The following WSB2 variants were observed in gnomAD, a reference collection of about 807,000 sequenced individuals.
WSB2 encodes the protein WD repeat and SOCS box containing 2, also known as WD repeat and SOCS box-containing protein 2.
Under a neutral mutation model 48.8 loss-of-function variants are expected in WSB2, and 12 were observed. The ratio of observed to expected loss-of-function variants is 0.25; its 90% CI spans 0.16 to 0.40. The LOEUF (loss-of-function observed/expected upper bound fraction) is 0.40, where lower values mean the gene tolerates loss of function less well. Among genes scored for constraint, WSB2 ranks in the 10% least tolerant of loss-of-function variants. The pLI, the probability that WSB2 is intolerant of heterozygous loss-of-function variation, is 1.00. For missense variants in WSB2, 317 were observed against 506.2 expected (o/e 0.63, Z 3.59); for synonymous variants, 191 against 203.1 (o/e 0.94, Z 0.51).
In WSB2 at chr12:118,033,888, A is replaced by G; in HGVS notation, c.*308T>C. Reference sequence around the variant, plus strand: ...TTAGTTGCATAATCAAAACAACATCAGTAACTGCACTTTGAATCAAAACAA... The same window carrying G: ...TTAGTTGCATAATCAAAACAACATCGGTAACTGCACTTTGAATCAAAACAA... On this transcript the variant is annotated 3_prime_UTR_variant, in exon 9 of 9. Coordinates refer to ENST00000315436, the MANE Select transcript of WSB2 (RefSeq NM_018639.5). 2.9e-6 allele frequency: 1 copy of G among 340,234 alleles called. No homozygotes were observed. Among genetic ancestry groups the G allele is most frequent in the Non-Finnish European group, 5.6e-6 (1 of 179,974 alleles). The allele number at this position is 340,234 out of a possible 1,614,324, so 21.1% of individuals were successfully genotyped here.
intron 1 of WSB2, among the ~76,000 whole-genome samples, chr12:118,053,458 G>T (rs976380630): frequency 4.6e-5 from 7 of 152,162 alleles, no homozygotes; most frequent in African/African-American, 1.7e-4. Flanking sequence ...ACGGAAATAA[G>T]TCGCACCTTG....
chr12:118,057,199 G>C (rs1028586975), intron 1 of WSB2, among the ~76,000 whole-genome samples: 1 of 152,074 alleles, frequency 6.6e-6, no homozygotes, highest in Non-Finnish European at 1.5e-5. Context: ...AGCTGGGGGT[G>C]GGGTATCTAG....
chr12:118,050,604 A>C (rs1204126270), intron 2 of WSB2, among the ~76,000 whole-genome samples: 1 of 152,120 alleles, frequency 6.6e-6, no homozygotes, highest in Non-Finnish European at 1.5e-5. Context: ...GAGCTACTGC[A>C]CTCAAGCCTG....
Position 118,055,285 on chromosome 12 carries a change from C to T in WSB2, c.14-2807G>A, listed in dbSNP as rs1226233193. Among the ~76,000 whole-genome samples the T allele has an allele frequency of 1.3e-5, 2 of 152,126 alleles. 1 individual carries two copies. The highest frequency in any genetic ancestry group is 2.9e-5 in the Non-Finnish European group (2 of 68,018). On this transcript the variant is annotated intron_variant, in intron 1 of 8. Coordinates refer to ENST00000315436, the MANE Select transcript of WSB2 (RefSeq NM_018639.5). ...ACTACTGCCATCTAGTGGGTGGAGGCCAGGGATGCTGCTCAACACTCTACA... is the reference window on the plus strand; with the variant it reads ...ACTACTGCCATCTAGTGGGTGGAGGTCAGGGATGCTGCTCAACACTCTACA...
chr12:118,038,318 G>A lies in WSB2; in HGVS notation c.630C>T (p.Ser210=). Residue 210 remains serine (S), a synonymous_variant, in exon 5 of 9, where the codon AGC becomes AGT. Transcript: ENST00000315436. ...VYCCSISPDC[S]MLCSAAGEKS... is the part of the protein sequence containing the mutation. ...TCTCTCCAGCTGCAGAGCACAGCAT[G>A]CTGCAGTCTGGGGAGATGGAACAGC... 1 of 1,614,152 alleles carries A rather than the reference G, an allele frequency of 6.2e-7. No individual in the cohort carries two copies. The highest frequency in any genetic ancestry group is 8.5e-7 in the Non-Finnish European group (1 of 1,180,028).
intron 2 of WSB2, among the ~76,000 whole-genome samples, chr12:118,050,168 G>GAGCGAGACTCCATCTCAAA (rs2031823079): frequency 1.3e-5 from 2 of 152,022 alleles, no homozygotes; most frequent in African/African-American, 4.8e-5. Flanking sequence ...CCGGGCGACA[G>GAGCGAGACTCCATCTCAAA]AGCGAGACTC....
intron 2 of WSB2, among the ~76,000 whole-genome samples, chr12:118,047,624 G>T (rs1379085197): frequency 6.6e-6 from 1 of 152,138 alleles, no homozygotes; most frequent in Non-Finnish European, 1.5e-5. Context: ...GAGGTGGGAG[G>T]ATCACTTGAG....
chr12:118,037,309 G>C (rs940390732), intron 5 of WSB2, among the ~76,000 whole-genome samples: 1 of 152,198 alleles, frequency 6.6e-6, no homozygotes, highest in African/African-American at 2.4e-5. Flanking sequence ...CTGGGCCTCT[G>C]ACCTAGCTCA....
rs749263706 is a variant in WSB2, at chr12:118,042,882, G to A, written c.518C>T (p.Ser173Leu). ...PSGSLILVSA[S>L]RDKTLRIWDL... The stretch of plus-strand genomic sequence containing the variant: ...CCAGATGCGAAGAGTCTTATCCCGT[G>A]ACGCGGAGACCAAAATCAAACTGCC... Residue 173 changes from serine (S) to leucine (L), a missense_variant, in exon 4 of 9, where the codon TCA (serine) becomes TTA (leucine). Transcript: ENST00000315436. The A allele has an allele frequency of 6.2e-7, 1 of 1,614,166 alleles. No individual in the cohort carries two copies. The highest frequency in any genetic ancestry group is 1.7e-5 in the Admixed American group (1 of 60,018).
At chr12:118,048,404 A>T (rs1446010045) in intron 2 of WSB2, among the ~76,000 whole-genome samples, 1 of 152,032 alleles carries the variant, frequency 6.6e-6, no homozygotes, top group Admixed American at 6.6e-5. Flanking sequence ...CCTGGGCAAC[A>T]TGGTGAAAAC....
In WSB2 at chr12:118,060,330, A is replaced by G. The variant is rs2032037879; in HGVS notation, c.13+706T>C. On this transcript the variant is annotated intron_variant, in intron 1 of 8. Coordinates refer to ENST00000315436, the MANE Select transcript of WSB2 (RefSeq NM_018639.5). The surrounding 1 kb of genome is among the most constrained non-coding windows in gnomAD (Gnocchi z 4.1). ...CTGATGGGGATGGCAGTTAACAAGA[A>G]TAGAGGCAAGGTCCCCACCCATCAG... is the stretch of plus-strand genomic sequence containing the variant. Among the ~76,000 whole-genome samples the G allele has an allele frequency of 6.6e-6, 1 of 152,104 alleles. No individual in the cohort carries two copies. The highest frequency in any genetic ancestry group is 2.4e-5 in the African/African-American group (1 of 41,416).
rs2032042461 is a variant in WSB2 at position 118,060,566 on chromosome 12, G to A, written c.13+470C>T. On this transcript the variant is annotated intron_variant, in intron 1 of 8. Coordinates refer to ENST00000315436, the MANE Select transcript of WSB2 (RefSeq NM_018639.5). The surrounding 1 kb of genome is among the most constrained non-coding windows in gnomAD (Gnocchi z 4.1). ...CCATTTTGCAGATCAAAACTGAGAC[G>A]TGGGTGGCGGTGGTTCAGTGGCTTG... is the stretch of plus-strand genomic sequence containing the variant. Among the ~76,000 whole-genome samples the A allele has an allele frequency of 6.6e-6, 1 of 152,158 alleles. No homozygotes were observed. The highest frequency in any genetic ancestry group is 2.1e-4 in the South Asian group (1 of 4,828).
chr12:118,037,100 T>G (rs760175175), intron 5 of WSB2, among the ~76,000 whole-genome samples: 14 of 152,128 alleles, frequency 9.2e-5, no homozygotes, highest in Non-Finnish European at 1.2e-4. Flanking sequence ...AAGAATCACT[T>G]GAGCCTGGTA....
At chr12:118,036,594 A>C (rs1236146659) in intron 5 of WSB2, 84 bp from the exon 6 acceptor site, 7 of 1,409,396 alleles carry the variant, frequency 5.0e-6, no homozygotes, top group Non-Finnish European at 6.8e-6. Context: ...ACCACCACCA[A>C]ATCTGCAGGC....
chr12:118,039,791 G>A (rs946846394), intron 4 of WSB2, among the ~76,000 whole-genome samples: 4 of 151,100 alleles, frequency 2.6e-5, no homozygotes, highest in Admixed American at 2.6e-4. Flanking sequence ...TTGCCTAGGT[G>A]GGAGTGCAAT....
At position 118,058,990 on chromosome 12, in the gene WSB2, C is replaced by A. The variant is rs146969934; in HGVS notation, c.13+2046G>T. On this transcript the variant is annotated intron_variant, in intron 1 of 8. Coordinates refer to ENST00000315436, the MANE Select transcript of WSB2 (RefSeq NM_018639.5). ...AGATTACAGACGTGAGCCACCCCGG[C>A]GCATTTGGTTGATATTTTCTTGATT... Among the ~76,000 whole-genome samples the A allele has an allele frequency of 9.9e-3, 1,507 of 152,202 alleles. 17 individuals are homozygous for A. Among genetic ancestry groups the A allele is most frequent in the African/African-American group, 0.034 (1,424 of 41,524 alleles).
In WSB2 at chr12:118,035,229, G is replaced by A. The variant is rs770115903; in HGVS notation, c.929C>T (p.Thr310Met). Residue 310 changes from threonine (T) to methionine (M), a missense_variant, in exon 7 of 9, where the codon ACG becomes ATG. This residue lies in a region of WSB2 where 189 missense variants were observed against 349.6 expected (regional missense o/e 0.54). Transcript: ENST00000315436. ...CFSPEGLYLATVADDRLLRIW... is the reference protein window; with the variant it reads ...CFSPEGLYLAMVADDRLLRIW... ...TCTTCGTTACCTGTCATCTGCCACC[G>A]TGGCAAGGTACAAGCCTTCTGGAGA... is the stretch of plus-strand genomic sequence containing the variant. 3.7e-6 allele frequency: 6 copies of A among 1,614,040 alleles called. No individual in the cohort carries two copies. Among genetic ancestry groups the A allele is most frequent in the Admixed American group, 1.7e-5 (1 of 59,998 alleles).
At chr12:118,039,877 G>A (rs1291322895) in intron 4 of WSB2, among the ~76,000 whole-genome samples, 1 of 151,706 alleles carries the variant, frequency 6.6e-6, no homozygotes, top group Non-Finnish European at 1.5e-5. Context: ...CCGAGTAGCT[G>A]GGATTACAGG....
At position 118,060,305 on chromosome 12, in the gene WSB2, C is replaced by T. The variant is rs949474692; in HGVS notation, c.13+731G>A. 1.3e-5 allele frequency among the ~76,000 whole-genome samples: 2 copies of T among 152,112 alleles called. No homozygotes were observed. The highest frequency in any genetic ancestry group is 4.8e-5 in the African/African-American group (2 of 41,420). On this transcript the variant is annotated intron_variant, in intron 1 of 8. Transcript: ENST00000315436. This position sits in a 1 kb window ranked among gnomAD's most constrained non-coding sequence, Gnocchi z 4.1. ...TATCCTCTGACTTCCACGCTGTCTT[C>T]TGATGGGGATGGCAGTTAACAAGAA...
Sources: allele counts gnomAD v4.1 joint callset (sites outside exome capture counted in the v4.1 genomes callset), GRCh38; gene constraint gnomAD v4.1.1; regional missense constraint gnomAD v4.1.1; non-coding constraint Gnocchi (gnomAD v3.1); transcripts MANE v1.5; gene names NCBI Gene and HGNC (gene_info 2026-07-23, HGNC 2026-07-21).